Variants in ERBB4 observed in about 807,000 individuals in gnomAD.
ERBB4 encodes erb-b2 receptor tyrosine kinase 4.
A neutral mutation model predicts 158.0 loss-of-function variants in ERBB4; 42 were observed. That is an observed-to-expected ratio of 0.27 (90% CI 0.21 to 0.34). ERBB4 has a LOEUF of 0.34. Ranked by LOEUF, ERBB4 falls within the 10% of genes least tolerant of loss-of-function variation. ERBB4 has a pLI of 1.00. For synonymous variants in ERBB4, 583 were observed against 558.7 expected (o/e 1.04, Z -0.61); for missense variants, 1,333 against 1,624.1 (o/e 0.82, Z 3.08).
At chr2:211,674,945 A>G (rs1358331283) in intron 13 of ERBB4, among the ~76,000 whole-genome samples, 2 of 152,134 alleles carry the variant, frequency 1.3e-5, no homozygotes, top group Non-Finnish European at 2.9e-5. Context: ...GAGGAATAAA[A>G]TGTATGTCAT....
intron 12 of ERBB4, among the ~76,000 whole-genome samples, chr2:211,690,568 T>A (rs2072769005): frequency 6.6e-6 from 1 of 152,216 alleles, no homozygotes; most frequent in African/African-American, 2.4e-5. Flanking sequence ...ATAACTATTT[T>A]CTTCTCATTC....
intron 2 of ERBB4, among the ~76,000 whole-genome samples, chr2:212,012,248 G>A (rs528120106): frequency 6.6e-6 from 1 of 152,174 alleles, no homozygotes; most frequent in African/African-American, 2.4e-5. Flanking sequence ...GGCTCATCCT[G>A]TACATTTTTC....
intron 1 of ERBB4, among the ~76,000 whole-genome samples, chr2:212,532,810 A>G (rs1438462041): frequency 6.6e-6 from 1 of 152,254 alleles, no homozygotes; most frequent in African/African-American, 2.4e-5. Flanking sequence ...GCAAAGTGAC[A>G]GGCCTGCAGA....
At chr2:211,441,911 C>T (rs2063987233) in intron 20 of ERBB4, among the ~76,000 whole-genome samples, 2 of 152,144 alleles carry the variant, frequency 1.3e-5, no homozygotes, top group Admixed American at 1.3e-4. Context: ...CAGATCTAGT[C>T]CAAGAGGTAG....
chr2:212,192,178 T>C (rs910928616), intron 1 of ERBB4, among the ~76,000 whole-genome samples: 1 of 146,634 alleles, frequency 6.8e-6, no homozygotes, highest in Non-Finnish European at 1.5e-5. Flanking sequence ...TTATATATTA[T>C]ATATATAATA....
At chr2:211,668,880 C>T (rs1370386387) in intron 14 of ERBB4, among the ~76,000 whole-genome samples, 1 of 151,994 alleles carries the variant, frequency 6.6e-6, no homozygotes, top group African/African-American at 2.4e-5. Flanking sequence ...AATGGTAGAC[C>T]ATAACAGGGA....
At chr2:211,792,822 T>G (rs2076305515) in intron 3 of ERBB4, among the ~76,000 whole-genome samples, 1 of 151,966 alleles carries the variant, frequency 6.6e-6, no homozygotes, top group African/African-American at 2.4e-5. Flanking sequence ...TTCATGAGTC[T>G]AATAAATAAG....
At chr2:211,385,813 A>T (rs2062672778) in intron 27 of ERBB4, among the ~76,000 whole-genome samples, 1 of 152,140 alleles carries the variant, frequency 6.6e-6, no homozygotes, top group South Asian at 2.1e-4. Context: ...GTTGGAGTGA[A>T]AATCTCCCCA....
intron 3 of ERBB4, among the ~76,000 whole-genome samples, chr2:211,853,786 A>G (rs559879065): frequency 4.3e-4 from 66 of 152,234 alleles, no homozygotes; most frequent in Middle Eastern, 3.4e-3. Context: ...CAATAATCCA[A>G]TTAGTTACAT....
chr2:211,413,319 C>A (rs2371270), intron 25 of ERBB4, among the ~76,000 whole-genome samples: 17,857 of 81,838 alleles, frequency 0.22, 3,417 homozygotes, highest in Non-Finnish European at 0.29. Context: ...AACACACACA[C>A]ACACACACAC....
chr2:211,595,065 C>CT (rs2068590897), intron 19 of ERBB4, among the ~76,000 whole-genome samples: 1 of 152,064 alleles, frequency 6.6e-6, no homozygotes, highest in Non-Finnish European at 1.5e-5. Context: ...AAGTTACACC[C>CT]TGAGGAAATT....
intron 2 of ERBB4, among the ~76,000 whole-genome samples, chr2:212,074,454 C>T (rs184614391): frequency 3.6e-4 from 54 of 151,974 alleles, no homozygotes; most frequent in Non-Finnish European, 6.5e-4. Flanking sequence ...ATTTATTTAA[C>T]GTATTTAATA....
chr2:211,721,579 A>G (rs949443986), intron 7 of ERBB4, among the ~76,000 whole-genome samples: 3 of 146,574 alleles, frequency 2.0e-5, no homozygotes, highest in African/African-American at 7.7e-5. Context: ...CATACCCTTT[A>G]TATATATACA....
At chr2:211,916,149 T>C (rs1489847444) in intron 3 of ERBB4, among the ~76,000 whole-genome samples, 1 of 151,726 alleles carries the variant, frequency 6.6e-6, no homozygotes, top group African/African-American at 2.4e-5. Context: ...GTTTACGCTA[T>C]TGGATGAAAT....
intron 19 of ERBB4, among the ~76,000 whole-genome samples, chr2:211,599,467 A>T (rs1327153132): frequency 8.0e-6 from 1 of 125,146 alleles, no homozygotes; most frequent in Non-Finnish European, 1.8e-5. Context: ...CAGCCTGTGT[A>T]AGAAGATACT....
At chr2:211,565,498 G>T (rs1395865832) in intron 19 of ERBB4, among the ~76,000 whole-genome samples, 1 of 152,204 alleles carries the variant, frequency 6.6e-6, no homozygotes, top group African/African-American at 2.4e-5. Context: ...GATTTGGGCA[G>T]TGGAAAATGG....
intron 2 of ERBB4, among the ~76,000 whole-genome samples, chr2:212,079,650 A>T (rs2078377641): frequency 6.6e-6 from 1 of 152,070 alleles, no homozygotes; most frequent in African/African-American, 2.4e-5. Flanking sequence ...AACCAAATAA[A>T]TATCATCATA....
intron 3 of ERBB4, among the ~76,000 whole-genome samples, chr2:211,860,888 A>C (rs1350056984): frequency 7.1e-6 from 1 of 140,514 alleles, no homozygotes; most frequent in African/African-American, 2.6e-5. Context: ...TGAAATAAAA[A>C]ATACAACTCA....
chr2:212,017,255 T>A (rs2076549364), intron 2 of ERBB4, among the ~76,000 whole-genome samples: 2 of 152,084 alleles, frequency 1.3e-5, no homozygotes, highest in African/African-American at 4.8e-5. Context: ...TCTTAAAAAA[T>A]AAGTGGTATA....
Sources: allele counts gnomAD v4.1 joint callset (sites outside exome capture counted in the v4.1 genomes callset), GRCh38; gene constraint gnomAD v4.1.1; transcripts MANE v1.5; gene names NCBI Gene and HGNC (gene_info 2026-07-23, HGNC 2026-07-21).